Variants in COL4A5 observed in about 807,000 individuals in gnomAD.
COL4A5 encodes collagen alpha-5(IV) chain.
COL4A5 carries 26 observed loss-of-function variants against 130.2 expected under a neutral mutation model. That is an observed-to-expected ratio of 0.20 (90% CI 0.15 to 0.28). The LOEUF is 0.28. Among genes scored for constraint, COL4A5 ranks in the 10% least tolerant of loss-of-function variants. The pLI is 1.00. For synonymous variants in COL4A5, 496 were observed against 439.6 expected, an observed-to-expected ratio of 1.13 and a Z score of -1.60; for missense variants, 1,131 against 1,344.3, an observed-to-expected ratio of 0.84 and a Z score of 2.48.
At chrX:108,687,373 A>C (rs780033064) in intron 48 of COL4A5, 109 bp from the exon 49 acceptor site, 1 of 675,213 alleles carries the variant, frequency 1.5e-6, no homozygotes, top group African/African-American at 2.1e-5. Context: ...ACACTCTATA[A>C]ATATCAAATA....
intron 1 of COL4A5, 106 bp from the exon 2 acceptor site, chrX:108,539,640 T>G: frequency 4.6e-6 from 3 of 648,067 alleles, no homozygotes; most frequent in Admixed American, 2.3e-5. Context: ...ATTTTTCTGG[T>G]ATCTATCTTT....
intron 1 of COL4A5, among the ~76,000 whole-genome samples, chrX:108,495,445 A>G (rs1239034700): frequency 9.0e-6 from 1 of 111,707 alleles, no homozygotes; most frequent in Non-Finnish European, 1.9e-5. Flanking sequence ...CATATCCAGT[A>G]GAAGATTATT....
intron 1 of COL4A5, among the ~76,000 whole-genome samples, chrX:108,507,262 G>GAAAAAAA (rs765631228): frequency 2.8e-5 from 2 of 71,708 alleles, no homozygotes; most frequent in Non-Finnish European, 5.6e-5. Flanking sequence ...AAAAAAAAAA[G>GAAAAAAA]AAAAAAAAAA....
chrX:108,508,557 C>CAAAAAAAAAAAAAAAAA (rs1182036182), intron 1 of COL4A5, among the ~76,000 whole-genome samples: 1 of 38,176 alleles, frequency 2.6e-5, no homozygotes, highest in African/African-American at 1.2e-4. Context: ...CATGTAGGAC[C>CAAAAAAAAAAAAAAAAA]AAAAAAAAAA....
chrX:108,627,253 T>G (rs758059668), intron 36 of COL4A5: 1 of 590,799 alleles, frequency 1.7e-6, no homozygotes, highest in African/African-American at 2.6e-5. Flanking sequence ...TATTAAAAAA[T>G]AATATAGACA....
At position 108,622,124 on chromosome X, in the gene COL4A5, A is replaced by G. The variant is rs1314384990; in HGVS notation, c.2767+232A>G. 1.5e-4 allele frequency among the ~76,000 whole-genome samples: 17 copies of G among 112,127 alleles called. No individual in the cohort carries two copies. In the Admixed American group the frequency reaches 1.6e-3, roughly 11 times the overall value. On this transcript the variant is annotated intron_variant, in intron 32 of 52. Coordinates refer to ENST00000328300, the MANE Select transcript of COL4A5 (RefSeq NM_033380.3). ...AAATAACAAAATATAAGGATTAAGC[A>G]TTAATTTTTTTGTTTGTCTTTTGAG...
At chrX:108,695,241 G>C (rs745945822) in intron 51 of COL4A5, 26 bp from the exon 52 acceptor site, 4 of 1,208,977 alleles carry the variant, frequency 3.3e-6, no homozygotes, top group Non-Finnish European at 4.5e-6. Context: ...TGGGTATTGC[G>C]GCACATTTTT....
intron 10 of COL4A5, 98 bp from the exon 11 acceptor site, chrX:108,577,854 T>G: frequency 1.4e-6 from 1 of 690,690 alleles, no homozygotes; most frequent in Non-Finnish European, 2.2e-6. Context: ...ACTATTTTGA[T>G]GGGCTTTTTC....
chrX:108,547,016 T>A (rs1359638646), intron 2 of COL4A5, among the ~76,000 whole-genome samples: 2 of 111,924 alleles, frequency 1.8e-5, no homozygotes, highest in African/African-American at 6.5e-5. Flanking sequence ...TCGTCTAATC[T>A]TTTTTCAAGG....
intron 1 of COL4A5, among the ~76,000 whole-genome samples, chrX:108,515,528 C>T (rs2065212562): frequency 1.8e-5 from 2 of 111,392 alleles, no homozygotes; most frequent in Non-Finnish European, 3.8e-5. Flanking sequence ...CTTTCTCACC[C>T]ATGCTTCCAC....
At chrX:108,636,790 G>T (rs1045274752) in intron 36 of COL4A5, among the ~76,000 whole-genome samples, 11 of 110,998 alleles carry the variant, frequency 9.9e-5, no homozygotes, top group African/African-American at 3.6e-4. Context: ...AAACCACACA[G>T]CATATATTTT....
intron 29 of COL4A5, among the ~76,000 whole-genome samples, chrX:108,608,213 G>A (rs2066768791): frequency 9.0e-6 from 1 of 111,686 alleles, no homozygotes; most frequent in African/African-American, 3.3e-5. Context: ...TGATAAGTGA[G>A]TATGCTGACA....
chrX:108,651,422 G>A (rs755165675), intron 36 of COL4A5, among the ~76,000 whole-genome samples: 100 of 111,727 alleles, frequency 9.0e-4, no homozygotes, highest in Non-Finnish European at 1.8e-3. Context: ...GTTTTTAGTT[G>A]TCTTTAAATT....
rs1312619489 is a variant in COL4A5 at position 108,539,898 on chromosome X, G to C, written c.141+93G>C. On this transcript the variant is annotated intron_variant, in intron 2 of 52. Coordinates refer to ENST00000328300, the MANE Select transcript of COL4A5 (RefSeq NM_033380.3). ...TTTTAAAAACAGAGCTTCTATCTCA[G>C]TACTTAAGTAAGTGAAATGAATCCT... 6 of 680,715 alleles carry C rather than the reference G, an allele frequency of 8.8e-6. No individual in the cohort carries two copies. In the East Asian group the frequency reaches 1.7e-4, roughly 19 times the overall value. 56.1% of individuals were successfully genotyped at this position (680,715 alleles called of 1,213,427 possible).
At chrX:108,666,986 G>C (rs748291718) in intron 39 of COL4A5, 147 bp from the exon 40 acceptor site, 12 of 514,999 alleles carry the variant, frequency 2.3e-5, no homozygotes, top group Non-Finnish European at 3.8e-5. Context: ...TTGCAGTTCT[G>C]TGTTGGAAAT....
chrX:108,506,633 C>T (rs1051846428), intron 1 of COL4A5, among the ~76,000 whole-genome samples: 1 of 111,531 alleles, frequency 9.0e-6, no homozygotes, highest in African/African-American at 3.3e-5. Context: ...GATGATCTGA[C>T]AGGAGACAGA....
rs372208575 is a variant in COL4A5, at chrX:108,578,024, G to A, written c.645+37G>A. On this transcript the variant is annotated intron_variant, in intron 11 of 52. Coordinates refer to ENST00000328300, the MANE Select transcript of COL4A5 (RefSeq NM_033380.3). ...TTTCTTTATATCTTTTATTTGGTGT[G>A]GATTCCTTTTCTTACTGTCAGTGAG... 18 of 1,197,515 alleles carry A rather than the reference G, an allele frequency of 1.5e-5. No individual in the cohort carries two copies. In the African/African-American group the frequency reaches 3.2e-4, roughly 21 times the overall value.
chrX:108,547,250 T>G (rs2065673287), intron 2 of COL4A5, among the ~76,000 whole-genome samples: 1 of 111,620 alleles, frequency 9.0e-6, no homozygotes, highest in African/African-American at 3.3e-5. Context: ...TTATCTACCT[T>G]TGGTCTTTGA....
rs139614477 is a variant in COL4A5 at position 108,520,255 on chromosome X, T to A, written c.82-19491T>A. Among the ~76,000 whole-genome samples, 200 of 111,592 alleles carry A rather than the reference T, an allele frequency of 1.8e-3. 2 individuals carry two copies. Among genetic ancestry groups the A allele is most frequent in the Middle Eastern group, 4.6e-3 (1 of 216 alleles). On this transcript the variant is annotated intron_variant, in intron 1 of 52. Transcript: ENST00000328300. ...AGCTTAATTACATTATGGTTAGAGATCATGTTCTGTACAAATTCCATCCTT... is the reference window on the plus strand; with the variant it reads ...AGCTTAATTACATTATGGTTAGAGAACATGTTCTGTACAAATTCCATCCTT...
Sources: gnomAD v4.1 joint callset for allele counts (sites outside exome capture counted in the v4.1 genomes callset) on GRCh38, gnomAD v4.1.1 for gene constraint, MANE v1.5 for transcripts, NCBI Gene and HGNC (gene_info 2026-07-23, HGNC 2026-07-21) for gene names.